SHOX2: variants seen among roughly 807,000 people sequenced by gnomAD.
SHOX2 encodes short stature homeobox protein 2.
A neutral mutation model predicts 31.3 loss-of-function variants in SHOX2; 13 were observed. That is an observed-to-expected ratio of 0.42 (90% CI 0.27 to 0.66). The LOEUF (loss-of-function observed/expected upper bound fraction) is 0.66, where lower values mean the gene tolerates loss of function less well. SHOX2 is among the 30% of genes least tolerant of loss of function. The probability of loss-of-function intolerance (pLI) is 0.27; values close to 1 mark genes in which losing one functional copy is unlikely to be tolerated. For missense variants in SHOX2, 473 were observed against 443.0 expected (o/e 1.07, Z -0.61); for synonymous variants, 244 against 196.2 (o/e 1.24, Z -2.04).
intron 1 of SHOX2, chr3:158,105,239 C>G: frequency 1.4e-6 from 1 of 704,690 alleles, no homozygotes; most frequent in South Asian, 1.6e-5. Flanking sequence ...GAGGGTTAAG[C>G]TTTCCACCTC....
At position 158,106,264 on chromosome 3, in the gene SHOX2, G is replaced by A. The variant is rs1297177421; in HGVS notation, c.-240C>T. 2 of 589,150 alleles carry A rather than the reference G, an allele frequency of 3.4e-6. No homozygotes were observed. The highest frequency in any genetic ancestry group is 5.6e-6 in the Non-Finnish European group (2 of 356,192). 36.5% of individuals were successfully genotyped at this position (589,150 alleles called of 1,614,324 possible). A position where few individuals can be genotyped will look rare whatever the true frequency, so the allele number is the denominator to read the frequency against. ...GAGGAGGAGGAAGAAGAGGAAGAGG[G>A]GGAGAAGGGTGAAGAGGAGAGGGAG... On this transcript the variant is annotated 5_prime_UTR_variant, in exon 1 of 5. Coordinates refer to ENST00000483851, the MANE Select transcript of SHOX2 (RefSeq NM_001163678.2).
At position 158,106,180 on chromosome 3, in the gene SHOX2, A is replaced by G. The variant is rs1713922575; in HGVS notation, c.-156T>C. ...GGGAGGAGGAGAAAGAAGAAGAAAA[A>G]GAGGAGAAGAAAGAAGAAAGAGGAG... is the stretch of plus-strand genomic sequence containing the variant. On this transcript the variant is annotated 5_prime_UTR_variant, in exon 1 of 5. Coordinates refer to ENST00000483851, the MANE Select transcript of SHOX2 (RefSeq NM_001163678.2). 3.2e-6 allele frequency: 4 copies of G among 1,256,100 alleles called. No individual in the cohort carries two copies. In the South Asian group the frequency reaches 4.3e-5, roughly 14 times the overall value. 77.8% of individuals were successfully genotyped at this position (1,256,100 alleles called of 1,614,324 possible).
Position 158,105,708 on chromosome 3 carries a change from C to G in SHOX2, c.317G>C (p.Arg106Thr). The stretch of plus-strand genomic sequence containing the variant: ...CGTCAGTCGCGGGCTGCCCGGCTCC[C>G]TGCTTCTCTCGGCGGCGCCCATGTC... ...ELDMGAAERS[R>T]EPGSPRLTEV... The change falls in exon 1 of 5, where the codon AGG becomes ACG. Residue 106 changes from arginine to threonine, a missense_variant. This residue lies in a region of SHOX2 where 276 missense variants were observed against 230.0 expected (regional missense o/e 1.20). Coordinates refer to ENST00000483851, the MANE Select transcript of SHOX2 (RefSeq NM_001163678.2). 1 of 1,523,516 alleles carries G rather than the reference C, an allele frequency of 6.6e-7. No individual in the cohort carries two copies. Among genetic ancestry groups the G allele is most frequent in the South Asian group, 1.2e-5 (1 of 82,808 alleles). 94.4% of individuals were successfully genotyped at this position (1,523,516 alleles called of 1,614,324 possible).
At chr3:158,098,368 G>A (rs2108121237) in intron 4 of SHOX2, 84 bp from the exon 5 acceptor site, 1 of 1,534,916 alleles carries the variant, frequency 6.5e-7, no homozygotes. Context: ...CGTCCAGCTT[G>A]GCCAGAGAGA....
In SHOX2 at chr3:158,096,170, A is replaced by G. The variant is rs1713057803; in HGVS notation, c.*1857T>C. ...TGTTTAAAATAACTTAATACACTAG[A>G]AAAAAATATGTCAAATATAAATAAT... On this transcript the variant is annotated 3_prime_UTR_variant, in exon 5 of 5. Coordinates refer to ENST00000483851, the MANE Select transcript of SHOX2 (RefSeq NM_001163678.2). 1 of 152,608 alleles carries G rather than the reference A, an allele frequency of 6.6e-6. No individual in the cohort carries two copies. The highest frequency in any genetic ancestry group is 2.4e-5 in the African/African-American group (1 of 41,414). 9.5% of individuals were successfully genotyped at this position (152,608 alleles called of 1,614,324 possible). A position where few individuals can be genotyped will look rare whatever the true frequency, so the allele number is the denominator to read the frequency against.
At chr3:158,098,440 G>T in intron 4 of SHOX2, 156 bp from the exon 5 acceptor site, 1 of 873,710 alleles carries the variant, frequency 1.1e-6, no homozygotes, top group Non-Finnish European at 1.8e-6. Context: ...TTCCGACAGT[G>T]ACCTTCTCAG....
At chr3:158,104,959 T>C (rs1713769833) in intron 1 of SHOX2, 1 of 748,430 alleles carries the variant, frequency 1.3e-6, no homozygotes, top group African/African-American at 1.8e-5. Flanking sequence ...ATTTTTGCTC[T>C]AAGAGAACCG....
Position 158,096,924 on chromosome 3 carries a change from A to ATATATATATATATC in SHOX2, c.*1102_*1103insGATATATATATATA, listed in dbSNP as rs1466365906. ...TATATATATATATATATATATATAT[A>ATATATATATATATC]TATATATGGCAAATATATGATATAT... On this transcript the variant is annotated 3_prime_UTR_variant, in exon 5 of 5. Coordinates refer to ENST00000483851, the MANE Select transcript of SHOX2 (RefSeq NM_001163678.2). 9 of 126,232 alleles carry ATATATATATATATC rather than the reference A, an allele frequency of 7.1e-5. No individual in the cohort carries two copies. The highest frequency in any genetic ancestry group is 2.5e-4 in the East Asian group (1 of 3,968). The allele number at this position is 126,232 out of a possible 1,614,324, so 7.8% of individuals were successfully genotyped here. A position where few individuals can be genotyped will look rare whatever the true frequency, so the allele number is the denominator to read the frequency against.
At position 158,098,164 on chromosome 3, in the gene SHOX2, C is replaced by A; in HGVS notation, c.823G>T (p.Ala275Ser). The A allele has an allele frequency of 6.2e-7, 1 of 1,613,412 alleles. No individual in the cohort carries two copies. The highest frequency in any genetic ancestry group is 8.5e-7 in the Non-Finnish European group (1 of 1,179,674). The part of the protein sequence containing the change: ...FPAPPFGLPL[A>S]TLAADSASAA... ...GAAGCCGAATCCGCGGCCAGCGTGG[C>A]GAGCGGCAGTCCGAAGGGCGGTGCT... Residue 275 changes from alanine to serine, a missense_variant, in exon 5 of 5, where the codon GCC (alanine) becomes TCC (serine). Ala to Ser is a moderately conservative substitution (Grantham distance 99). Transcript: ENST00000483851.
At chr3:158,105,598 G>T in intron 1 of SHOX2, 81 bp downstream of exon 1, 2 of 1,292,898 alleles carry the variant, frequency 1.5e-6, no homozygotes, top group South Asian at 2.6e-5. Flanking sequence ...CTCCCCGCTG[G>T]GCCTCGGAGT....
At chr3:158,102,573 C>T (rs1713559192) in intron 2 of SHOX2, 105 bp downstream of exon 2, 3 of 881,258 alleles carry the variant, frequency 3.4e-6, no homozygotes, top group South Asian at 1.4e-5. Context: ...TCTCATCTTA[C>T]ACCAGACACT....
chr3:158,100,854 T>A (rs1195354068), intron 2 of SHOX2, among the ~76,000 whole-genome samples: 1 of 152,236 alleles, frequency 6.6e-6, no homozygotes, highest in African/African-American at 2.4e-5. Flanking sequence ...AGTAGCAGAA[T>A]AATTGTGCAC....
At position 158,097,835 on chromosome 3, in the gene SHOX2, G is replaced by GTGAGATCCCTGGTCC; in HGVS notation, c.*177_*191dup. ...AGGAGCCACGGAGCCTGCGTGCCTC[G>GTGAGATCCCTGGTCC]TGAGATCCCTGGTCCTGCGTGGAGT... On this transcript the variant is annotated 3_prime_UTR_variant, in exon 5 of 5. Transcript: ENST00000483851. The GTGAGATCCCTGGTCC allele has an allele frequency of 1.3e-6, 1 of 743,202 alleles. No homozygotes were observed. The highest frequency in any genetic ancestry group is 2.6e-5 in the East Asian group (1 of 38,420). 46.0% of individuals were successfully genotyped at this position (743,202 alleles called of 1,614,324 possible).
intron 4 of SHOX2, 25 bp from the exon 5 acceptor site, chr3:158,098,309 G>A (rs775579422): frequency 6.2e-7 from 1 of 1,610,676 alleles, no homozygotes; most frequent in East Asian, 2.2e-5. Context: ...GCGTCACGTT[G>A]CAATGACTAT....
rs753586895 is a variant in SHOX2, at chr3:158,098,052, T to C, written c.935A>G (p.Lys312Arg). 2 of 1,607,514 alleles carry C rather than the reference T, an allele frequency of 1.2e-6. No homozygotes were observed. The highest frequency in any genetic ancestry group is 1.7e-6 in the Non-Finnish European group (2 of 1,175,642). ...TCACAGACCCAGGGCTGCGGCGTGC[T>C]TTTTGGCTTTCAGTCTGAGATCGGC... ...SIADLRLKAK[K>R]HAAALGL is the part of the protein sequence containing the mutation. Residue 312 changes from lysine to arginine, a missense_variant, in exon 5 of 5, where the codon AAG becomes AGG. By Grantham distance (26) the Lys-to-Arg change is conservative. Around this residue, in one of 3 missense-constraint regions of SHOX2, gnomAD observed 182 missense variants for 167.2 expected, o/e 1.09. Coordinates refer to ENST00000483851, the MANE Select transcript of SHOX2 (RefSeq NM_001163678.2).
At chr3:158,100,377 A>G (rs1713425466) in intron 2 of SHOX2, 66 bp from the exon 3 acceptor site, 2 of 1,220,632 alleles carry the variant, frequency 1.6e-6, no homozygotes, top group Non-Finnish European at 2.3e-6. Flanking sequence ...TTTAAATTAC[A>G]AAAGTACAAA....
At position 158,098,175 on chromosome 3, in the gene SHOX2, C is replaced by G. The variant is rs766273316; in HGVS notation, c.812G>C (p.Gly271Ala). 6.2e-7 allele frequency: 1 copy of G among 1,613,638 alleles called. No individual in the cohort carries two copies. Among genetic ancestry groups the G allele is most frequent in the Non-Finnish European group, 8.5e-7 (1 of 1,179,768 alleles). ...CGCGGCCAGCGTGGCGAGCGGCAGT[C>G]CGAAGGGCGGTGCTGGGAACATCAT... ...PYMMFPAPPF[G>A]LPLATLAADS... The change falls in exon 5 of 5, where the codon GGA becomes GCA. Residue 271 changes from glycine (G) to alanine (A), a missense_variant. By Grantham distance (60) the Gly-to-Ala change is moderately conservative. Transcript: ENST00000483851.
chr3:158,099,903 G>A lies in SHOX2; in HGVS notation c.659C>T (p.Ala220Val). 26 of 1,614,144 alleles carry A rather than the reference G, an allele frequency of 1.6e-5. No individual in the cohort carries two copies. Among genetic ancestry groups the A allele is most frequent in the Non-Finnish European group, 2.2e-5 (26 of 1,180,014 alleles). Residue 220 changes from alanine (A) to valine (V), a missense_variant, in exon 4 of 5, where the codon GCA becomes GTA. Physicochemically the swap from Ala to Val is moderately conservative, Grantham distance 64 (BLOSUM62 0). This residue lies in a region of SHOX2 where 182 missense variants were observed against 167.2 expected (regional missense o/e 1.09). Transcript: ENST00000483851. ...AASQFEACRV[A>V]PYVNVGALRM... ...TAAAGCACCTACGTTGACATAAGGT[G>A]CGACTCTACAAGCTTCAAACTGGCT...
intron 1 of SHOX2, 45 bp downstream of exon 1, chr3:158,105,634 A>G: frequency 6.7e-7 from 1 of 1,483,408 alleles, no homozygotes; most frequent in Non-Finnish European, 9.0e-7. Context: ...AGGAGTCCGG[A>G]AGGCGGGAAG....
Sources: gnomAD v4.1 joint callset for allele counts (sites outside exome capture counted in the v4.1 genomes callset) on GRCh38, gnomAD v4.1.1 for gene constraint, gnomAD v4.1.1 regional missense constraint, MANE v1.5 for transcripts, NCBI Gene and HGNC (gene_info 2026-07-23, HGNC 2026-07-21) for gene names.